FDFT1: variants seen among roughly 807,000 people sequenced by gnomAD.
FDFT1 encodes the protein farnesyl-diphosphate farnesyltransferase 1.
FDFT1 carries 68 observed loss-of-function variants against 46.8 expected under a neutral mutation model. That is an observed-to-expected ratio of 1.45 (90% CI 1.19 to 1.78). The LOEUF (loss-of-function observed/expected upper bound fraction) is 1.78. Among genes scored for constraint, FDFT1 ranks in the 40% most tolerant of loss-of-function variants. The pLI is 0.00. For synonymous variants in FDFT1, 351 were observed against 185.1 expected, an observed-to-expected ratio of 1.90 and a Z score of -7.28; for missense variants, 928 against 524.4, an observed-to-expected ratio of 1.77 and a Z score of -7.52.
At chr8:11,838,361 T>G (rs1563350777) in intron 7 of FDFT1, 27 bp from the exon 8 acceptor site, 2 of 1,567,534 alleles carry the variant, frequency 1.3e-6, no homozygotes, top group African/African-American at 2.7e-5. Context: ...ACATAGCACT[T>G]ATCATTTTTT....
intron 5 of FDFT1, among the ~76,000 whole-genome samples, chr8:11,827,781 G>A (rs181748377): frequency 1.3e-5 from 2 of 152,094 alleles, no homozygotes; most frequent in African/African-American, 2.4e-5. Context: ...GGTGGCTCAC[G>A]CCTGTAATCT....
chr8:11,817,685 T>A (rs1000125787), intron 3 of FDFT1, among the ~76,000 whole-genome samples: 1 of 152,362 alleles, frequency 6.6e-6, no homozygotes, highest in South Asian at 2.1e-4. Flanking sequence ...AGTGGTAGTT[T>A]GTATTTCTGT....
intron 1 of FDFT1, among the ~76,000 whole-genome samples, chr8:11,805,036 T>C (rs1459160299): frequency 6.6e-6 from 1 of 151,512 alleles, no homozygotes; most frequent in Non-Finnish European, 1.5e-5. Flanking sequence ...GGCTTCCTGA[T>C]CCCGAGTAGC....
chr8:11,808,475 C>G (rs1563300479), intron 1 of FDFT1: 2 of 1,305,296 alleles, frequency 1.5e-6, no homozygotes. Context: ...CCCAGATCTG[C>G]TTGAGTCTAT....
intron 5 of FDFT1, 144 bp from the exon 6 acceptor site, chr8:11,830,100 C>T: frequency 1.5e-6 from 1 of 685,244 alleles, no homozygotes; most frequent in East Asian, 2.8e-5. Context: ...CCCTCCTCGG[C>T]CTCCCAAAGT....
At chr8:11,815,439 C>T (rs1285557195) in intron 3 of FDFT1, among the ~76,000 whole-genome samples, 3 of 152,190 alleles carry the variant, frequency 2.0e-5, no homozygotes, top group South Asian at 2.1e-4. Flanking sequence ...CTTGGGGAAT[C>T]ACCATACTGT....
At chr8:11,822,276 C>G (rs1809358560) in intron 4 of FDFT1, among the ~76,000 whole-genome samples, 1 of 152,168 alleles carries the variant, frequency 6.6e-6, no homozygotes, top group African/African-American at 2.4e-5. Context: ...TAAAGCCAGT[C>G]AGATTTAGCA....
intron 3 of FDFT1, among the ~76,000 whole-genome samples, 155 bp from the exon 4 acceptor site, chr8:11,821,589 TCAAAAA>T (rs907694077): frequency 3.0e-4 from 45 of 152,338 alleles, no homozygotes; most frequent in East Asian, 9.6e-4. Flanking sequence ...AGACTCCATC[TCAAAAA>T]CAAAAACAAA....
intron 5 of FDFT1, among the ~76,000 whole-genome samples, chr8:11,829,261 A>G (rs76572578): frequency 0.057 from 8,645 of 152,332 alleles, 418 homozygotes; most frequent in African/African-American, 0.13. Flanking sequence ...ATTCAGTGGC[A>G]TTAAGTACAT....
chr8:11,821,473 G>A (rs1809233338), intron 3 of FDFT1, among the ~76,000 whole-genome samples: 1 of 152,084 alleles, frequency 6.6e-6, no homozygotes, highest in African/African-American at 2.4e-5. Context: ...TGCCTGTAAT[G>A]CCAGCTCCTG....
At chr8:11,808,251 T>A in intron 1 of FDFT1, 1 of 1,205,586 alleles carries the variant, frequency 8.3e-7, no homozygotes, top group Non-Finnish European at 1.0e-6. Flanking sequence ...AGGGAGACTC[T>A]GTCACTGGGA....
At chr8:11,805,620 C>G (rs1051737838) in intron 1 of FDFT1, among the ~76,000 whole-genome samples, 12 of 152,096 alleles carry the variant, frequency 7.9e-5, no homozygotes, top group Admixed American at 6.5e-4. Flanking sequence ...ATTTTTTAAC[C>G]ACAACTTCCC....
At chr8:11,804,515 C>G (rs1205880210) in intron 1 of FDFT1, among the ~76,000 whole-genome samples, 1 of 151,506 alleles carries the variant, frequency 6.6e-6, no homozygotes, top group Non-Finnish European at 1.5e-5. Context: ...TCCCCATGAG[C>G]CGTTAAAAAA....
intron 5 of FDFT1, 43 bp from the exon 6 acceptor site, chr8:11,830,201 T>C: frequency 6.8e-7 from 1 of 1,459,956 alleles, no homozygotes; most frequent in Non-Finnish European, 9.6e-7. Flanking sequence ...AATTCTCCCC[T>C]ATGCACACGC....
chr8:11,816,102 C>T (rs915281304), intron 3 of FDFT1, among the ~76,000 whole-genome samples: 3 of 152,192 alleles, frequency 2.0e-5, no homozygotes, highest in African/African-American at 7.2e-5. Context: ...CCAGGTTTCC[C>T]AGCAGCATTT....
chr8:11,818,279 A>G (rs1047657215), intron 3 of FDFT1, among the ~76,000 whole-genome samples: 2 of 152,148 alleles, frequency 1.3e-5, no homozygotes, highest in Admixed American at 1.3e-4. Flanking sequence ...TTTTTCTTCC[A>G]ATTCTGTGGT....
chr8:11,818,307 C>T (rs192767197), intron 3 of FDFT1, among the ~76,000 whole-genome samples: 4 of 152,196 alleles, frequency 2.6e-5, no homozygotes, highest in Admixed American at 6.5e-5. Context: ...AGAATAAGTG[C>T]GATGTGGTGC....
chr8:11,803,967 T>G (rs993598818), intron 1 of FDFT1: 1 of 152,422 alleles, frequency 6.6e-6, no homozygotes, highest in Non-Finnish European at 1.5e-5. Flanking sequence ...ATTATTTTGC[T>G]ACAGAATAAC....
chr8:11,820,779 T>C (rs1177029205), intron 3 of FDFT1, among the ~76,000 whole-genome samples: 1 of 152,220 alleles, frequency 6.6e-6, no homozygotes, highest in Non-Finnish European at 1.5e-5. Context: ...CACTCACGCC[T>C]TTCCTTGGCT....
Sources: gnomAD v4.1 joint callset for allele counts (sites outside exome capture counted in the v4.1 genomes callset) on GRCh38, gnomAD v4.1.1 for gene constraint, MANE v1.5 for transcripts, NCBI Gene and HGNC (gene_info 2026-07-23, HGNC 2026-07-21) for gene names.